The following SWT1 variants were observed in gnomAD, a reference collection of about 807,000 sequenced individuals.
The protein encoded by SWT1 is SWT1 RNA endoribonuclease homolog.
Under a neutral mutation model 107.3 loss-of-function variants are expected in SWT1, and 33 were observed. That is an observed-to-expected ratio of 0.31 (90% CI 0.23 to 0.41). The LOEUF is 0.41. SWT1 is among the 10% of genes least tolerant of loss of function. SWT1 has a pLI of 1.00. For synonymous variants in SWT1, 345 were observed against 348.3 expected, an observed-to-expected ratio of 0.99 and a Z score of 0.11; for missense variants, 898 against 1,028.9, an observed-to-expected ratio of 0.87 and a Z score of 1.74.
In SWT1 at chr1:185,214,537, A is replaced by G. The variant is rs749547707; in HGVS notation, c.2003A>G (p.Lys668Arg). The change falls in exon 14 of 19, where the codon AAA (lysine) becomes AGA (arginine). Residue 668 changes from lysine to arginine, a missense_variant. This residue lies in a region of SWT1 where 382 missense variants were observed against 460.0 expected (regional missense o/e 0.83). Coordinates refer to ENST00000367500, the MANE Select transcript of SWT1 (RefSeq NM_017673.7). The part of the protein sequence containing the change: ...ANKAVDFTTV[K>R]FLLQDSRSLL... ...AAGGCAGTGGATTTTACAACAGTCA[A>G]ATTCTTGCTTCAGGATTCTAGAAGT... 5.6e-6 allele frequency: 9 copies of G among 1,610,348 alleles called. No homozygotes were observed. The highest frequency in any genetic ancestry group is 1.3e-5 in the African/African-American group (1 of 74,782).
At chr1:185,194,936 A>G (rs191136971) in intron 10 of SWT1, among the ~76,000 whole-genome samples, 1 of 152,178 alleles carries the variant, frequency 6.6e-6, no homozygotes, top group East Asian at 1.9e-4. Flanking sequence ...CATACTTTAT[A>G]TGCAGATTTT....
chr1:185,270,345 A>G (rs1663766267), intron 16 of SWT1, among the ~76,000 whole-genome samples: 1 of 149,226 alleles, frequency 6.7e-6, no homozygotes, highest in Non-Finnish European at 1.5e-5. Context: ...TGGAAAAAAT[A>G]TTTAGTATAA....
rs188408431 is a variant in SWT1, at chr1:185,190,062, G to A, written c.1430-487G>A. On this transcript the variant is annotated intron_variant, in intron 9 of 18. Coordinates refer to ENST00000367500, the MANE Select transcript of SWT1 (RefSeq NM_017673.7). ...GGGGTTTTACCATGTTAGCCAGGCC[G>A]GTCTCGAACTCCTGACCTCAAGTGA... 1.8e-3 allele frequency among the ~76,000 whole-genome samples: 278 copies of A among 151,988 alleles called. 3 individuals are homozygous for A. The highest frequency in any genetic ancestry group is 3.2e-3 in the Non-Finnish European group (218 of 67,992).
At chr1:185,256,774 C>G (rs1363468908) in intron 16 of SWT1, among the ~76,000 whole-genome samples, 1 of 152,122 alleles carries the variant, frequency 6.6e-6, no homozygotes, top group African/African-American at 2.4e-5. Context: ...GCGTTCTTTT[C>G]TCAGCTCGTC....
At chr1:185,214,119 G>A (rs1160630402) in intron 13 of SWT1, among the ~76,000 whole-genome samples, 3 of 152,122 alleles carry the variant, frequency 2.0e-5, no homozygotes, top group African/African-American at 7.2e-5. Context: ...GCTTACCAGT[G>A]TAGTCTCACT....
chr1:185,182,171 A>T, intron 7 of SWT1, 114 bp downstream of exon 7: 1 of 1,056,642 alleles, frequency 9.5e-7, no homozygotes, highest in Non-Finnish European at 1.3e-6. Flanking sequence ...CTCACTTGAA[A>T]TGAATGATAA....
Position 185,202,818 on chromosome 1 carries a change from A to T in SWT1, c.1669+19A>T. 7.4e-7 allele frequency: 1 copy of T among 1,355,476 alleles called. No homozygotes were observed. The highest frequency in any genetic ancestry group is 1.0e-6 in the Non-Finnish European group (1 of 998,084). 84.0% of individuals were successfully genotyped at this position (1,355,476 alleles called of 1,614,324 possible). A position where few individuals can be genotyped will look rare whatever the true frequency, so the allele number is the denominator to read the frequency against. On this transcript the variant is annotated intron_variant, in intron 11 of 18. Transcript: ENST00000367500. The stretch of plus-strand genomic sequence containing the variant: ...AAAGCAGGTAGTATTTTTACTATAA[A>T]TAATTAGAGATATATCTTATTTTAT...
intron 15 of SWT1, among the ~76,000 whole-genome samples, chr1:185,222,537 A>G (rs752201162): frequency 6.6e-6 from 1 of 151,914 alleles, no homozygotes; most frequent in Non-Finnish European, 1.5e-5. Flanking sequence ...TGAGTGGATC[A>G]CTTGAGGTCA....
Position 185,184,360 on chromosome 1 carries a change from A to C in SWT1, c.1240+16A>C. On this transcript the variant is annotated intron_variant, in intron 8 of 18. Transcript: ENST00000367500. The stretch of plus-strand genomic sequence containing the variant: ...GAAGTACCAGGTATTTACAGAACAT[A>C]TTTAAAGATTCTGATTTTCTTCCTT... 1 of 1,367,566 alleles carries C rather than the reference A, an allele frequency of 7.3e-7. No individual in the cohort carries two copies. The highest frequency in any genetic ancestry group is 1.0e-6 in the Non-Finnish European group (1 of 979,278). The allele number at this position is 1,367,566 out of a possible 1,614,324, so 84.7% of individuals were successfully genotyped here. A position where few individuals can be genotyped will look rare whatever the true frequency, so the allele number is the denominator to read the frequency against.
chr1:185,248,341 T>C (rs1188020327), intron 16 of SWT1, among the ~76,000 whole-genome samples: 1 of 152,206 alleles, frequency 6.6e-6, no homozygotes, highest in Admixed American at 6.5e-5. Context: ...TTTTTTTTCA[T>C]AAATACATGG....
chr1:185,247,707 A>G (rs1259331673), intron 16 of SWT1, among the ~76,000 whole-genome samples: 1 of 152,198 alleles, frequency 6.6e-6, no homozygotes, highest in African/African-American at 2.4e-5. Flanking sequence ...CCAGACCTGC[A>G]CTTTGCTTCA....
intron 4 of SWT1, among the ~76,000 whole-genome samples, chr1:185,169,279 C>CTTTTTTTTTTTTTTTT (rs56786132): frequency 7.5e-6 from 1 of 133,144 alleles, no homozygotes; most frequent in Non-Finnish European, 1.6e-5. Context: ...CACTGATATC[C>CTTTTTTTTTTTTTTTT]TTTTTTTTTT....
chr1:185,255,538 CCTT>C (rs1217460337), intron 16 of SWT1, among the ~76,000 whole-genome samples: 1 of 127,002 alleles, frequency 7.9e-6, no homozygotes. Context: ...TATGTAATGG[CCTT>C]CTTTGTCTCT....
At chr1:185,271,219 TAA>T (rs978331131) in intron 16 of SWT1, 102 bp from the exon 17 acceptor site, 3 of 659,352 alleles carry the variant, frequency 4.5e-6, no homozygotes, top group Admixed American at 2.8e-5. Flanking sequence ...TATTAAACAA[TAA>T]GTTACCTCTT....
intron 18 of SWT1, among the ~76,000 whole-genome samples, chr1:185,286,177 G>T (rs1195551347): frequency 6.6e-6 from 1 of 152,078 alleles, no homozygotes; most frequent in Non-Finnish European, 1.5e-5. Context: ...ATTAACATAG[G>T]ATGCTTTTTC....
intron 16 of SWT1, among the ~76,000 whole-genome samples, chr1:185,233,717 T>C (rs1296220138): frequency 1.3e-5 from 2 of 152,178 alleles, no homozygotes; most frequent in South Asian, 2.1e-4. Flanking sequence ...AGTGTTTTAC[T>C]TCGAATTATG....
In SWT1 at chr1:185,175,040, A is replaced by G. The variant is rs373256726; in HGVS notation, c.893A>G (p.His298Arg). The change falls in exon 5 of 19, where the codon CAT becomes CGT. Residue 298 changes from histidine to arginine, a missense_variant. Coordinates refer to ENST00000367500, the MANE Select transcript of SWT1 (RefSeq NM_017673.7). ...GATTTTACATATAAGCGGACTGTTC[A>G]TGAGTGGAAACGAAAACATCATTAT... ...LSDFTYKRTV[H>R]EWKRKHHYDH... 3.1e-6 allele frequency: 5 copies of G among 1,601,172 alleles called. No homozygotes were observed. The African/African-American group carries it at 4.0e-5, about 13-fold the overall frequency.
chr1:185,289,267 C>A (rs1266687308), intron 18 of SWT1, among the ~76,000 whole-genome samples: 1 of 152,338 alleles, frequency 6.6e-6, no homozygotes, highest in Middle Eastern at 3.4e-3. Context: ...CAAATTCTTA[C>A]ATAGCCAACA....
At chr1:185,189,833 G>A (rs1656796607) in intron 9 of SWT1, among the ~76,000 whole-genome samples, 1 of 148,974 alleles carries the variant, frequency 6.7e-6, no homozygotes, top group Admixed American at 6.7e-5. Flanking sequence ...TCTTATATAT[G>A]TATATATAAA....
Sources: allele counts gnomAD v4.1 joint callset (sites outside exome capture counted in the v4.1 genomes callset), GRCh38; gene constraint gnomAD v4.1.1; regional missense constraint gnomAD v4.1.1; transcripts MANE v1.5; gene names NCBI Gene and HGNC (gene_info 2026-07-23, HGNC 2026-07-21).